Variants in CCNT1 observed in about 807,000 individuals in gnomAD.
CCNT1 encodes cyclin T1.
A neutral mutation model predicts 67.3 loss-of-function variants in CCNT1; 18 were observed. The observed-to-expected ratio is 0.27, with a 90% CI of 0.18 to 0.40. The LOEUF is 0.40. Ranked by LOEUF, CCNT1 falls within the 10% of genes least tolerant of loss-of-function variation. The pLI, the probability that CCNT1 is intolerant of heterozygous loss-of-function variation, is 1.00. For missense variants in CCNT1, 744 were observed against 884.9 expected, an observed-to-expected ratio of 0.84 and a Z score of 2.02; for synonymous variants, 333 against 310.3, an observed-to-expected ratio of 1.07 and a Z score of -0.77.
At position 48,694,056 on chromosome 12, in the gene CCNT1, T is replaced by C; in HGVS notation, c.1158A>G (p.Lys386=). The C allele has an allele frequency of 6.2e-7, 1 of 1,614,240 alleles. No homozygotes were observed. Among genetic ancestry groups the C allele is most frequent in the South Asian group, 1.1e-5 (1 of 91,084 alleles). ...TCGCGCGGTATTCTTTCAGTGACACTTTAGCTGATGGCACACTCTTACTAT... is the reference window on the plus strand; with the variant it reads ...TCGCGCGGTATTCTTTCAGTGACACCTTAGCTGATGGCACACTCTTACTAT... The part of the protein sequence containing the change: ...KQNSKSVPSA[K]VSLKEYRAKH... Residue 386 remains lysine (K), a synonymous_variant, in exon 9 of 9, where the codon AAA becomes AAG. Coordinates refer to ENST00000261900, the MANE Select transcript of CCNT1 (RefSeq NM_001240.4).
rs541629906 is a variant in CCNT1, at chr12:48,689,775, C to T, written c.*3258G>A. The T allele has an allele frequency of 6.6e-6, 1 of 152,260 alleles. No homozygotes were observed. Among genetic ancestry groups the T allele is most frequent in the East Asian group, 1.9e-4 (1 of 5,188 alleles). The allele number at this position is 152,260 out of a possible 1,614,324, so 9.4% of individuals were successfully genotyped here. ...CTCTACAATTGCCTTTACTTGGAAG[C>T]CATGTATGTGGAGGAGTATGCATTT... is the stretch of plus-strand genomic sequence containing the variant. On this transcript the variant is annotated 3_prime_UTR_variant, in exon 9 of 9. Transcript: ENST00000261900.
chr12:48,714,630 C>G (rs569354765), intron 1 of CCNT1, 106 bp from the exon 2 acceptor site: 1 of 654,418 alleles, frequency 1.5e-6, no homozygotes, highest in African/African-American at 1.8e-5. Context: ...GTAGATACTA[C>G]TAAATGAAAA....
At chr12:48,707,679 T>C (rs1188629740) in intron 2 of CCNT1, among the ~76,000 whole-genome samples, 1 of 147,160 alleles carries the variant, frequency 6.8e-6, no homozygotes, top group Non-Finnish European at 1.5e-5. Context: ...TGATAATTAA[T>C]AAAAATAAAT....
At chr12:48,706,004 A>G (rs1290406773) in intron 2 of CCNT1, 108 bp from the exon 3 acceptor site, 3 of 1,080,520 alleles carry the variant, frequency 2.8e-6, no homozygotes, top group Admixed American at 2.7e-5. Context: ...GCTTGCCTCA[A>G]CTTTGTCACC....
In CCNT1 at chr12:48,696,140, G is replaced by A. The variant is rs377485918; in HGVS notation, c.565C>T (p.Leu189=). The change falls in exon 7 of 9, where the codon CTG becomes TTG. Residue 189 remains leucine (L), a synonymous_variant. Coordinates refer to ENST00000261900, the MANE Select transcript of CCNT1 (RefSeq NM_001240.4). ...TNSLHLTTFS[L]QYTPPVVACV... ...GCCACCACAGGAGGTGTGTACTGCAGGCTAAATGTGGTCAAATGCAGGCTG... is the reference window on the plus strand; with the variant it reads ...GCCACCACAGGAGGTGTGTACTGCAAGCTAAATGTGGTCAAATGCAGGCTG... The A allele has an allele frequency of 1.9e-6, 3 of 1,607,438 alleles. No individual in the cohort carries two copies. The highest frequency in any genetic ancestry group is 1.4e-5 in the African/African-American group (1 of 73,612).
At chr12:48,716,445 A>G (rs745865106) in intron 1 of CCNT1, 70 bp downstream of exon 1, 8 of 1,424,048 alleles carry the variant, frequency 5.6e-6, no homozygotes, top group Non-Finnish European at 7.6e-6. Context: ...CCCCCCACAG[A>G]GCCTGAGACC....
chr12:48,701,519 A>G lies in CCNT1; in HGVS notation c.373-446T>C, dbSNP rs989172312. 3.3e-5 allele frequency among the ~76,000 whole-genome samples: 5 copies of G among 152,108 alleles called. No individual in the cohort carries two copies. The South Asian group carries it at 8.3e-4, about 25-fold the overall frequency. ...TATGGCTACAGAAAAAGCACCATATATTTGGTTCATTTTCAGGTTAATATT... is the reference window on the plus strand; with the variant it reads ...TATGGCTACAGAAAAAGCACCATATGTTTGGTTCATTTTCAGGTTAATATT... On this transcript the variant is annotated intron_variant, in intron 3 of 8. Coordinates refer to ENST00000261900, the MANE Select transcript of CCNT1 (RefSeq NM_001240.4).
At chr12:48,697,101 G>T (rs1940181015) in intron 6 of CCNT1, among the ~76,000 whole-genome samples, 1 of 152,164 alleles carries the variant, frequency 6.6e-6, no homozygotes, top group African/African-American at 2.4e-5. Flanking sequence ...GGGATTACAG[G>T]TATGAGCCAC....
intron 2 of CCNT1, among the ~76,000 whole-genome samples, chr12:48,707,044 T>C (rs989515319): frequency 3.3e-5 from 5 of 152,156 alleles, no homozygotes; most frequent in Non-Finnish European, 4.4e-5. Context: ...TCCATCTCCA[T>C]ACACATACGG....
At chr12:48,697,294 C>A (rs983558857) in intron 6 of CCNT1, among the ~76,000 whole-genome samples, 2 of 151,710 alleles carry the variant, frequency 1.3e-5, no homozygotes, top group African/African-American at 2.4e-5. Context: ...CCAAGGCAGG[C>A]GGATCACTTG....
intron 3 of CCNT1, among the ~76,000 whole-genome samples, chr12:48,701,858 G>A (rs957944998): frequency 9.3e-5 from 14 of 151,218 alleles, no homozygotes; most frequent in African/African-American, 3.2e-4. Context: ...CGCCCACCTC[G>A]GCCTCCCAAA....
At chr12:48,710,635 T>C (rs1940434634) in intron 2 of CCNT1, among the ~76,000 whole-genome samples, 1 of 152,082 alleles carries the variant, frequency 6.6e-6, no homozygotes, top group South Asian at 2.1e-4. Context: ...TAAATATATA[T>C]AAAAATGTTT....
intron 2 of CCNT1, among the ~76,000 whole-genome samples, chr12:48,714,115 C>A (rs934021227): frequency 3.3e-5 from 5 of 152,010 alleles, no homozygotes; most frequent in Admixed American, 6.6e-5. Context: ...ATTATGTTGC[C>A]CAGGCTGGTT....
intron 6 of CCNT1, among the ~76,000 whole-genome samples, chr12:48,696,753 C>G (rs534504912): frequency 1.3e-5 from 2 of 152,276 alleles, no homozygotes; most frequent in Non-Finnish European, 2.9e-5. Flanking sequence ...CTTCTTAGCC[C>G]TGACAGTTAC....
chr12:48,697,976 T>A (rs572156762), intron 6 of CCNT1, 162 bp downstream of exon 6: 2 of 476,196 alleles, frequency 4.2e-6, no homozygotes, highest in South Asian at 5.6e-5. Flanking sequence ...AATAATTACA[T>A]AACCTTAGAA....
At chr12:48,696,692 A>G (rs990305385) in intron 6 of CCNT1, among the ~76,000 whole-genome samples, 11 of 152,198 alleles carry the variant, frequency 7.2e-5, no homozygotes, top group Non-Finnish European at 1.6e-4. Flanking sequence ...TCTCAAGTAT[A>G]AATATGTTGG....
chr12:48,701,881 CA>C (rs1275640686), intron 3 of CCNT1, among the ~76,000 whole-genome samples: 4 of 152,036 alleles, frequency 2.6e-5, no homozygotes, highest in African/African-American at 9.7e-5. Context: ...GCTGGGATTA[CA>C]GGCGTGAGCC....
Position 48,692,196 on chromosome 12 carries a change from G to A in CCNT1, c.*837C>T, listed in dbSNP as rs1043570678. On this transcript the variant is annotated 3_prime_UTR_variant, in exon 9 of 9. Transcript: ENST00000261900. ...CTGTACTTGCCCAAACTACAAATTA[G>A]AGGGCTACTACTCAATTATAACATA... The A allele has an allele frequency of 1.3e-5, 2 of 152,148 alleles. No individual in the cohort carries two copies. The highest frequency in any genetic ancestry group is 4.8e-5 in the African/African-American group (2 of 41,414). The allele number at this position is 152,148 out of a possible 1,614,324, so 9.4% of individuals were successfully genotyped here.
intron 3 of CCNT1, among the ~76,000 whole-genome samples, chr12:48,703,208 A>T (rs1342922954): frequency 1.3e-5 from 2 of 151,898 alleles, no homozygotes; most frequent in East Asian, 3.9e-4. Context: ...AGGTCAAGAG[A>T]TCGAGACCAT....
Sources: allele counts gnomAD v4.1 joint callset (sites outside exome capture counted in the v4.1 genomes callset), GRCh38; gene constraint gnomAD v4.1.1; transcripts MANE v1.5; gene names NCBI Gene and HGNC (gene_info 2026-07-23, HGNC 2026-07-21).